MAGI1: variants seen among roughly 807,000 people sequenced by gnomAD.
MAGI1 encodes membrane-associated guanylate kinase, WW and PDZ domain-containing protein 1.
In MAGI1, 58 loss-of-function variants were observed where a neutral mutation model predicts 139.9. The observed-to-expected ratio is 0.41, with a 90% CI of 0.34 to 0.52. The LOEUF (loss-of-function observed/expected upper bound fraction) is 0.52, where lower values mean the gene tolerates loss of function less well. Among genes scored for constraint, MAGI1 ranks in the 20% least tolerant of loss-of-function variants. MAGI1 has a pLI of 0.12. For missense variants in MAGI1, 1,874 were observed against 1,901.6 expected (o/e 0.99, Z 0.27); for synonymous variants, 812 against 737.9 (o/e 1.10, Z -1.63).
At chr3:65,607,200 C>T (rs1053718816) in intron 2 of MAGI1, among the ~76,000 whole-genome samples, 3 of 151,262 alleles carry the variant, frequency 2.0e-5, no homozygotes, top group African/African-American at 7.3e-5. Context: ...TGCAGATGGA[C>T]ATCCAAGAAT....
intron 5 of MAGI1, among the ~76,000 whole-genome samples, chr3:65,461,200 C>A (rs1288347041): frequency 7.2e-4 from 109 of 152,048 alleles, no homozygotes. Flanking sequence ...TCTGTTGTTT[C>A]TTGACTTTTT....
Position 65,391,372 on chromosome 3 carries a change from A to G in MAGI1, c.2200-14T>C, listed in dbSNP as rs372408036. ...TTCCAGTGGTTGCTGAAAGTAAGCAAGTGAGAGGGGCAAGAAGAAAAGATT... is the reference window on the plus strand; with the variant it reads ...TTCCAGTGGTTGCTGAAAGTAAGCAGGTGAGAGGGGCAAGAAGAAAAGATT... On this transcript the variant is annotated splice_polypyrimidine_tract_variant and intron_variant, in intron 13 of 22. Transcript: ENST00000402939. 20 of 1,606,050 alleles carry G rather than the reference A, an allele frequency of 1.2e-5. No individual in the cohort carries two copies. Among genetic ancestry groups the G allele is most frequent in the Non-Finnish European group, 1.7e-5 (20 of 1,172,900 alleles).
At chr3:65,589,556 AC>A (rs1029893829) in intron 2 of MAGI1, among the ~76,000 whole-genome samples, 2 of 151,126 alleles carry the variant, frequency 1.3e-5, no homozygotes, top group South Asian at 2.1e-4. Flanking sequence ...TTCCTTGTTG[AC>A]CCCCCCTGCA....
intron 1 of MAGI1, among the ~76,000 whole-genome samples, chr3:65,968,015 C>T (rs781116685): frequency 2.0e-5 from 3 of 152,078 alleles, no homozygotes; most frequent in Non-Finnish European, 2.9e-5. Flanking sequence ...TGGTGCTGTA[C>T]GGAATGTAAT....
intron 1 of MAGI1, among the ~76,000 whole-genome samples, chr3:65,623,441 G>A (rs1559730411): frequency 6.6e-6 from 1 of 152,210 alleles, no homozygotes; most frequent in Non-Finnish European, 1.5e-5. Flanking sequence ...AGGATCAACA[G>A]AAGGCTTGTA....
intron 1 of MAGI1, among the ~76,000 whole-genome samples, chr3:65,668,498 G>A (rs899898211): frequency 4.0e-5 from 6 of 150,508 alleles, no homozygotes; most frequent in Admixed American, 6.6e-5. Flanking sequence ...ATTTCTCAAC[G>A]CAAGCTCCAA....
intron 18 of MAGI1, among the ~76,000 whole-genome samples, chr3:65,367,069 C>T (rs2106768010): frequency 6.6e-6 from 1 of 152,284 alleles, no homozygotes; most frequent in East Asian, 1.9e-4. Flanking sequence ...TGTATTGGTC[C>T]TTTAGCAAAC....
intron 1 of MAGI1, among the ~76,000 whole-genome samples, chr3:65,771,354 C>G (rs912622991): frequency 2.6e-5 from 4 of 151,798 alleles, no homozygotes; most frequent in Non-Finnish European, 5.9e-5. Flanking sequence ...CAAATATCAG[C>G]TCAGATAGTA....
At chr3:65,530,739 A>ACG (rs2078642976) in intron 2 of MAGI1, among the ~76,000 whole-genome samples, 4 of 96,310 alleles carry the variant, frequency 4.2e-5, no homozygotes, top group Non-Finnish European at 2.0e-5. Context: ...GTATATATAT[A>ACG]TGCACATATA....
At chr3:65,465,718 T>C (rs1012569757) in intron 5 of MAGI1, among the ~76,000 whole-genome samples, 4 of 152,342 alleles carry the variant, frequency 2.6e-5, no homozygotes, top group African/African-American at 4.8e-5. Flanking sequence ...GTAGTTTTCT[T>C]TGGATTCAGC....
chr3:65,900,716 C>T (rs183075583), intron 1 of MAGI1, among the ~76,000 whole-genome samples: 2 of 152,306 alleles, frequency 1.3e-5, no homozygotes, highest in East Asian at 3.9e-4. Flanking sequence ...TTTCTTACCC[C>T]TATAGGTTAC....
chr3:65,692,124 T>C (rs115002296), intron 1 of MAGI1, among the ~76,000 whole-genome samples: 5 of 152,158 alleles, frequency 3.3e-5, no homozygotes, highest in East Asian at 1.9e-4. Flanking sequence ...AAAAAAAATG[T>C]GATCTGGACA....
At chr3:65,358,236 C>T (rs1436701461) in intron 22 of MAGI1, among the ~76,000 whole-genome samples, 1 of 152,096 alleles carries the variant, frequency 6.6e-6, no homozygotes, top group African/African-American at 2.4e-5. Flanking sequence ...CTTTTCAAAG[C>T]TAGGATGCTT....
intron 1 of MAGI1, among the ~76,000 whole-genome samples, chr3:65,690,294 G>A (rs2088463427): frequency 6.6e-6 from 1 of 152,108 alleles, no homozygotes; most frequent in East Asian, 1.9e-4. Context: ...GAGTCCTGGT[G>A]ACACACTCTT....
intron 12 of MAGI1, among the ~76,000 whole-genome samples, chr3:65,427,096 T>C (rs992796929): frequency 2.0e-5 from 3 of 152,136 alleles, no homozygotes; most frequent in Admixed American, 6.5e-5. Context: ...GGTGGATCCC[T>C]TGAGCGCGGG....
chr3:66,027,523 A>G (rs62243841), intron 1 of MAGI1, among the ~76,000 whole-genome samples: 85,672 of 151,852 alleles, frequency 0.56, 25,570 homozygotes, highest in East Asian at 0.86. Context: ...TTGGAATCAG[A>G]TAGATCTGAG....
chr3:65,747,430 T>C (rs1339132171), intron 1 of MAGI1, among the ~76,000 whole-genome samples: 1 of 152,222 alleles, frequency 6.6e-6, no homozygotes, highest in East Asian at 1.9e-4. Flanking sequence ...AATTCCACTC[T>C]TCTCACTAAA....
chr3:65,908,510 T>C (rs1315555760), intron 1 of MAGI1, among the ~76,000 whole-genome samples: 1 of 152,142 alleles, frequency 6.6e-6, no homozygotes, highest in Non-Finnish European at 1.5e-5. Context: ...GGTCTTGAAC[T>C]CCTGACTTCG....
intron 2 of MAGI1, among the ~76,000 whole-genome samples, chr3:65,611,530 ATACTC>A (rs925889015): frequency 2.1e-5 from 3 of 146,310 alleles, no homozygotes; most frequent in Non-Finnish European, 4.5e-5. Context: ...AGCAGATAGA[ATACTC>A]TATATATACT....
Sources: allele counts gnomAD v4.1 joint callset (sites outside exome capture counted in the v4.1 genomes callset), GRCh38; gene constraint gnomAD v4.1.1; transcripts MANE v1.5; gene names NCBI Gene and HGNC (gene_info 2026-07-23, HGNC 2026-07-21).